Variants in COL26A1 observed in about 807,000 individuals in gnomAD.
COL26A1 encodes collagen alpha-1(XXVI) chain.
A neutral mutation model predicts 59.3 loss-of-function variants in COL26A1; 41 were observed. The observed-to-expected ratio is 0.69, with a 90% CI of 0.54 to 0.90. COL26A1 has a LOEUF of 0.90. COL26A1 is among the 40% of genes least tolerant of loss of function. The pLI, the probability that COL26A1 is intolerant of heterozygous loss-of-function variation, is 0.00. For synonymous variants in COL26A1, 266 were observed against 256.0 expected (o/e 1.04, Z -0.37); for missense variants, 612 against 602.3 (o/e 1.02, Z -0.17).
chr7:101,534,073 A>T (rs1018369583), intron 4 of COL26A1, among the ~76,000 whole-genome samples: 5 of 152,192 alleles, frequency 3.3e-5, no homozygotes, highest in African/African-American at 4.8e-5. Flanking sequence ...GACCTGAGGG[A>T]GGACAGGTCT....
intron 1 of COL26A1, among the ~76,000 whole-genome samples, chr7:101,406,729 G>C (rs1410538890): frequency 6.6e-6 from 1 of 152,084 alleles, no homozygotes; most frequent in African/African-American, 2.4e-5. Context: ...AGAATCTCTT[G>C]AGCCCAGGAG....
chr7:101,531,105 A>G (rs910068953), intron 3 of COL26A1, among the ~76,000 whole-genome samples: 3 of 152,032 alleles, frequency 2.0e-5, no homozygotes, highest in South Asian at 2.1e-4. Context: ...CGAGTAGCTG[A>G]GACTACAGGC....
At chr7:101,527,821 G>A (rs919818283) in intron 3 of COL26A1, among the ~76,000 whole-genome samples, 2 of 152,050 alleles carry the variant, frequency 1.3e-5, no homozygotes, top group African/African-American at 4.8e-5. Context: ...GAGGGGCCAG[G>A]CATTTGGGAC....
At chr7:101,451,728 G>T (rs771860956) in intron 3 of COL26A1, among the ~76,000 whole-genome samples, 1 of 139,712 alleles carries the variant, frequency 7.2e-6, no homozygotes, top group Non-Finnish European at 1.5e-5. Context: ...TTTTTTTGAC[G>T]GAGTCTCGCT....
At chr7:101,379,562 G>T (rs1791398154) in intron 1 of COL26A1, among the ~76,000 whole-genome samples, 2 of 152,160 alleles carry the variant, frequency 1.3e-5, no homozygotes, top group South Asian at 4.1e-4. Context: ...TCAGAGGTGC[G>T]TGAACCACAG....
At chr7:101,479,243 A>G (rs1794109055) in intron 3 of COL26A1, among the ~76,000 whole-genome samples, 1 of 150,930 alleles carries the variant, frequency 6.6e-6, no homozygotes, top group Non-Finnish European at 1.5e-5. Context: ...TGGTGTTACT[A>G]GAATTATTAC....
At chr7:101,525,172 T>C (rs1274342041) in intron 3 of COL26A1, among the ~76,000 whole-genome samples, 2 of 32,458 alleles carry the variant, frequency 6.2e-5, no homozygotes, top group African/African-American at 5.2e-4. Flanking sequence ...GACTTCATTC[T>C]TTTTTTTTTT....
intron 10 of COL26A1, among the ~76,000 whole-genome samples, chr7:101,551,995 G>A (rs1044112712): frequency 6.6e-6 from 1 of 152,196 alleles, no homozygotes; most frequent in African/African-American, 2.4e-5. Flanking sequence ...CTAAGGCTCA[G>A]AGAGGTTAAG....
rs1040589424 is a variant in COL26A1, at chr7:101,392,487, C to T, written c.159-27490C>T. 9.3e-5 allele frequency among the ~76,000 whole-genome samples: 14 copies of T among 150,914 alleles called. 1 individual carries two copies. The highest frequency in any genetic ancestry group is 3.4e-4 in the African/African-American group (14 of 40,998). On this transcript the variant is annotated intron_variant, in intron 1 of 12. Coordinates refer to ENST00000313669, the MANE Select transcript of COL26A1 (RefSeq NM_001278563.3). ...TGCCATCTCAGCTCACTGCAACCTC[C>T]GCCTCCCGGGTTCAAGCAATTCTCC...
At chr7:101,399,397 C>G (rs2130186083) in intron 1 of COL26A1, among the ~76,000 whole-genome samples, 1 of 152,254 alleles carries the variant, frequency 6.6e-6, no homozygotes, top group East Asian at 1.9e-4. Flanking sequence ...GATCTCAGCT[C>G]ACTGGAACCT....
chr7:101,365,588 G>A (rs1313476873), intron 1 of COL26A1, among the ~76,000 whole-genome samples: 1 of 151,992 alleles, frequency 6.6e-6, no homozygotes, highest in Non-Finnish European at 1.5e-5. Flanking sequence ...CACTGCGCCT[G>A]GCTAATTTTT....
At chr7:101,486,686 C>T (rs1794276690) in intron 3 of COL26A1, among the ~76,000 whole-genome samples, 1 of 152,260 alleles carries the variant, frequency 6.6e-6, no homozygotes, top group African/African-American at 2.4e-5. Flanking sequence ...GCCAACACGC[C>T]TTTTATTAGG....
rs114544903 is a variant in COL26A1, at chr7:101,400,955, G to C, written c.159-19022G>C. Among the ~76,000 whole-genome samples, 871 of 152,254 alleles carry C rather than the reference G, an allele frequency of 5.7e-3. 9 individuals are homozygous for C. The highest frequency in any genetic ancestry group is 0.02 in the African/African-American group (841 of 41,536). On this transcript the variant is annotated intron_variant, in intron 1 of 12. Coordinates refer to ENST00000313669, the MANE Select transcript of COL26A1 (RefSeq NM_001278563.3). Reference sequence around the variant, plus strand: ...CGAGGGGTGGGGAGATGCGGAGACGGGAGTTCAAGGGCCTGTGGTCTCTCT... The same window carrying C: ...CGAGGGGTGGGGAGATGCGGAGACGCGAGTTCAAGGGCCTGTGGTCTCTCT...
intron 3 of COL26A1, among the ~76,000 whole-genome samples, chr7:101,510,661 C>T (rs1362556451): frequency 6.6e-6 from 1 of 152,156 alleles, no homozygotes; most frequent in Non-Finnish European, 1.5e-5. Context: ...GTGAGCACCA[C>T]CATGCCCAGC....
chr7:101,492,818 C>T (rs1794494449), intron 3 of COL26A1, among the ~76,000 whole-genome samples: 1 of 152,068 alleles, frequency 6.6e-6, no homozygotes, highest in Admixed American at 6.5e-5. Flanking sequence ...CAGCTCACTG[C>T]AGCTTCCAGC....
At chr7:101,528,005 G>A (rs746782898) in intron 3 of COL26A1, among the ~76,000 whole-genome samples, 2 of 152,156 alleles carry the variant, frequency 1.3e-5, no homozygotes, top group East Asian at 1.9e-4. Flanking sequence ...ATTGCCTGTC[G>A]ATGACAGATG....
intron 2 of COL26A1, among the ~76,000 whole-genome samples, chr7:101,445,416 G>A (rs13233066): frequency 0.41 from 61,546 of 151,686 alleles, 14,948 homozygotes; most frequent in Admixed American, 0.55. Flanking sequence ...TTTCATTCAC[G>A]GCTGAAGGCA....
intron 3 of COL26A1, among the ~76,000 whole-genome samples, chr7:101,501,959 G>A (rs189402001): frequency 1.9e-4 from 29 of 151,466 alleles, no homozygotes; most frequent in Admixed American, 3.9e-4. Context: ...AAAATCTTCC[G>A]CCCTTTCTTC....
chr7:101,465,104 G>A (rs532401310), intron 3 of COL26A1, among the ~76,000 whole-genome samples: 16 of 143,226 alleles, frequency 1.1e-4, no homozygotes, highest in African/African-American at 3.9e-4. Flanking sequence ...GTAGTGCGAC[G>A]ATAGCTCACT....
Sources: allele counts gnomAD v4.1 joint callset (sites outside exome capture counted in the v4.1 genomes callset), GRCh38; gene constraint gnomAD v4.1.1; transcripts MANE v1.5; gene names NCBI Gene and HGNC (gene_info 2026-07-23, HGNC 2026-07-21).